RPGRIP1L: variants seen among roughly 807,000 people sequenced by gnomAD.
RPGRIP1L encodes RPGRIP1 like.
RPGRIP1L carries 131 observed loss-of-function variants against 160.4 expected under a neutral mutation model. The ratio of observed to expected loss-of-function variants is 0.82; its 90% confidence interval spans 0.71 to 0.94. RPGRIP1L has a LOEUF of 0.94. Among genes scored for constraint, RPGRIP1L ranks in the 40% least tolerant of loss-of-function variants. RPGRIP1L has a pLI of 0.00. For synonymous variants in RPGRIP1L, 510 were observed against 515.8 expected, an observed-to-expected ratio of 0.99 and a Z score of 0.15; for missense variants, 1,522 against 1,535.8, an observed-to-expected ratio of 0.99 and a Z score of 0.15.
At chr16:53,612,184 G>T (rs905578809) in intron 24 of RPGRIP1L, among the ~76,000 whole-genome samples, 1 of 151,812 alleles carries the variant, frequency 6.6e-6, no homozygotes, top group African/African-American at 2.4e-5. Flanking sequence ...GTATAGGGGT[G>T]GGTTAGTGGT....
intron 22 of RPGRIP1L, among the ~76,000 whole-genome samples, chr16:53,632,017 G>A (rs372867830): frequency 1.1e-4 from 16 of 152,312 alleles, no homozygotes; most frequent in African/African-American, 3.6e-4. Flanking sequence ...CTGACAAAGT[G>A]AAGCTCATAA....
chr16:53,689,810 A>G (rs905032209), intron 4 of RPGRIP1L, among the ~76,000 whole-genome samples: 2 of 152,208 alleles, frequency 1.3e-5, no homozygotes, highest in Non-Finnish European at 2.9e-5. Context: ...ATTCATCACT[A>G]CTTAATGCTT....
At chr16:53,698,922 C>T (rs1971131648) in intron 2 of RPGRIP1L, among the ~76,000 whole-genome samples, 1 of 152,106 alleles carries the variant, frequency 6.6e-6, no homozygotes, top group African/African-American at 2.4e-5. Context: ...GCCATGATGA[C>T]AATGGTGGTT....
In RPGRIP1L at chr16:53,645,718, A is replaced by G. The variant is rs1480250597; in HGVS notation, c.2590T>C (p.Tyr864His). The G allele has an allele frequency of 1.2e-5, 20 of 1,614,014 alleles. No homozygotes were observed. Among genetic ancestry groups the G allele is most frequent in the Non-Finnish European group, 1.6e-5 (19 of 1,179,984 alleles). ...TGGGTATCACTATCATCAAAAACAT[A>G]AAAACTCAGAGACTCTGACTTAAGG... ...RYLKSESLSF[Y>H]VFDDSDTQEN... Residue 864 changes from tyrosine to histidine, a missense_variant, in exon 17 of 27, where the codon TAT becomes CAT. Transcript: ENST00000647211.
intron 3 of RPGRIP1L, chr16:53,695,119 T>C (rs1208506549): frequency 2.0e-6 from 1 of 493,962 alleles, no homozygotes; most frequent in Non-Finnish European, 3.6e-6. Flanking sequence ...AAATTACTAA[T>C]GAGGTCAAGG....
At position 53,679,820 on chromosome 16, in the gene RPGRIP1L, G is replaced by GA. The variant is rs1178127702; in HGVS notation, c.777-4699dup. On this transcript the variant is annotated intron_variant, in intron 6 of 26. Coordinates refer to ENST00000647211, the MANE Select transcript of RPGRIP1L (RefSeq NM_015272.5). ...TTTCTGAACACAAGGTCCCTAGAGAGAAAAACAGCTGTTGTTTAAAGGCAG... is the reference window on the plus strand; with the variant it reads ...TTTCTGAACACAAGGTCCCTAGAGAGAAAAAACAGCTGTTGTTTAAAGGCAG... 2.0e-5 allele frequency among the ~76,000 whole-genome samples: 3 copies of GA among 152,222 alleles called. No homozygotes were observed. The East Asian group carries it at 5.8e-4, about 29-fold the overall frequency.
At chr16:53,620,191 C>T (rs1430196634) in intron 23 of RPGRIP1L, among the ~76,000 whole-genome samples, 1 of 152,004 alleles carries the variant, frequency 6.6e-6, no homozygotes. Flanking sequence ...TGTAAATTCA[C>T]CATAGTGGTT....
At position 53,622,200 on chromosome 16, in the gene RPGRIP1L, T is replaced by C. The variant is rs1244252288; in HGVS notation, c.3432+19A>G. On this transcript the variant is annotated intron_variant, in intron 23 of 26. Coordinates refer to ENST00000647211, the MANE Select transcript of RPGRIP1L (RefSeq NM_015272.5). ...CAACATAGTGAAACCCCGTCTCTGCTAAAATTACAAAAAATTACCTGGGTG... is the reference window on the plus strand; with the variant it reads ...CAACATAGTGAAACCCCGTCTCTGCCAAAATTACAAAAAATTACCTGGGTG... The C allele has an allele frequency of 1.5e-6, 1 of 656,608 alleles. No homozygotes were observed. Among genetic ancestry groups the C allele is most frequent in the Non-Finnish European group, 2.8e-6 (1 of 363,270 alleles). The allele number at this position is 656,608 out of a possible 1,614,324, so 40.7% of individuals were successfully genotyped here. A position where few individuals can be genotyped will look rare whatever the true frequency, so the allele number is the denominator to read the frequency against.
chr16:53,665,110 T>C (rs1968131667), intron 9 of RPGRIP1L, 101 bp from the exon 10 acceptor site: 2 of 1,402,346 alleles, frequency 1.4e-6, no homozygotes, highest in Non-Finnish European at 2.0e-6. Context: ...ACTGTCATCA[T>C]GTCTTAGGAA....
Position 53,675,109 on chromosome 16 carries a change from C to G in RPGRIP1L, c.790G>C (p.Asp264His). ...QATDQRSNIR[D>H]NVEMIKLHKQ... ...TGAAGCTTAATCATTTCTACATTGT[C>G]CCGAATATTTGACCTTCAGAGTTGT... The change falls in exon 7 of 27, where the codon GAC becomes CAC. Residue 264 changes from aspartate (D) to histidine (H), a missense_variant. Coordinates refer to ENST00000647211, the MANE Select transcript of RPGRIP1L (RefSeq NM_015272.5). The G allele has an allele frequency of 6.2e-7, 1 of 1,609,810 alleles. No individual in the cohort carries two copies. Among genetic ancestry groups the G allele is most frequent in the East Asian group, 2.2e-5 (1 of 44,672 alleles).
chr16:53,605,381 G>T, intron 26 of RPGRIP1L, 100 bp downstream of exon 26: 1 of 1,347,760 alleles, frequency 7.4e-7, no homozygotes, highest in Non-Finnish European at 1.1e-6. Flanking sequence ...AGTAACGTGT[G>T]ACTCAGCACC....
In RPGRIP1L at chr16:53,615,470, A is replaced by ATTTTTT. The variant is rs1436816285; in HGVS notation, c.3616+3554_3616+3555insAAAAAA. ...TCTAAGAATATATATATATATATAT[A>ATTTTTT]TATTTTTTTTTTTTTTTTTTTGAGA... is the stretch of plus-strand genomic sequence containing the variant. On this transcript the variant is annotated intron_variant, in intron 24 of 26. Coordinates refer to ENST00000647211, the MANE Select transcript of RPGRIP1L (RefSeq NM_015272.5). Among the ~76,000 whole-genome samples, 322 of 85,190 alleles carry ATTTTTT rather than the reference A, an allele frequency of 3.8e-3. 7 individuals carry two copies. The highest frequency in any genetic ancestry group is 0.015 in the African/African-American group (291 of 19,794). The allele number at this position is 85,190 out of a possible 152,430, so 55.9% of individuals were successfully genotyped here.
intron 20 of RPGRIP1L, 61 bp downstream of exon 20, chr16:53,638,249 A>C: frequency 1.0e-6 from 1 of 992,254 alleles, no homozygotes; most frequent in Non-Finnish European, 1.6e-6. Flanking sequence ...CAAAACTTAT[A>C]AGACAAAGTA....
intron 22 of RPGRIP1L, among the ~76,000 whole-genome samples, chr16:53,631,167 G>A (rs531188962): frequency 1.3e-4 from 20 of 152,246 alleles, no homozygotes; most frequent in African/African-American, 2.9e-4. Flanking sequence ...TTTCATATGC[G>A]AATTCTAAAG....
chr16:53,677,022 C>T (rs1028369615), intron 6 of RPGRIP1L, among the ~76,000 whole-genome samples: 7 of 152,128 alleles, frequency 4.6e-5, no homozygotes, highest in African/African-American at 1.7e-4. Context: ...ATAATCCATT[C>T]GGGCACATAG....
chr16:53,692,206 T>A lies in RPGRIP1L; in HGVS notation c.389A>T (p.Lys130Ile), dbSNP rs765642149. ...HELEKQNETLKNRLISAKQQL... is the reference protein window; with the variant it reads ...HELEKQNETLINRLISAKQQL... ...CTGTTTGGCTGAAATCAGTCTGTTTTTGAGGGTTTCATTTTGTTTTTCAAG... is the reference window on the plus strand; with the variant it reads ...CTGTTTGGCTGAAATCAGTCTGTTTATGAGGGTTTCATTTTGTTTTTCAAG... Residue 130 changes from lysine to isoleucine, a missense_variant, in exon 4 of 27, where the codon AAA (lysine) becomes ATA (isoleucine). Coordinates refer to ENST00000647211, the MANE Select transcript of RPGRIP1L (RefSeq NM_015272.5). 6.2e-7 allele frequency: 1 copy of A among 1,614,178 alleles called. No individual in the cohort carries two copies. Among genetic ancestry groups the A allele is most frequent in the South Asian group, 1.1e-5 (1 of 91,074 alleles).
At chr16:53,696,021 T>C (rs1970729871) in intron 3 of RPGRIP1L, 130 bp downstream of exon 3, 1 of 885,226 alleles carries the variant, frequency 1.1e-6, no homozygotes, top group African/African-American at 1.7e-5. Context: ...TTTTTAAAAA[T>C]TGTACTTATT....
At chr16:53,611,114 C>A in intron 24 of RPGRIP1L, 63 bp from the exon 25 acceptor site, 1 of 1,107,954 alleles carries the variant, frequency 9.0e-7, no homozygotes, top group Non-Finnish European at 1.4e-6. Flanking sequence ...ACATTAGTAC[C>A]ATTCTGTATT....
intron 4 of RPGRIP1L, among the ~76,000 whole-genome samples, chr16:53,690,885 A>C (rs1284982619): frequency 6.6e-6 from 1 of 152,176 alleles, no homozygotes; most frequent in East Asian, 1.9e-4. Context: ...TGTACTTTCT[A>C]ATTTATAATT....
Sources: allele counts gnomAD v4.1 joint callset (sites outside exome capture counted in the v4.1 genomes callset), GRCh38; gene constraint gnomAD v4.1.1; transcripts MANE v1.5; gene names NCBI Gene and HGNC (gene_info 2026-07-23, HGNC 2026-07-21).